DGKD: variants seen among roughly 807,000 people sequenced by gnomAD.
DGKD encodes the protein DAG kinase delta.
DGKD carries 68 observed loss-of-function variants against 154.4 expected under a neutral mutation model. The ratio of observed to expected loss-of-function variants is 0.44; its 90% CI spans 0.36 to 0.54. DGKD has a LOEUF of 0.54. Ranked by LOEUF, DGKD falls within the 20% of genes least tolerant of loss-of-function variation. The probability of loss-of-function intolerance (pLI) is 0.00; values close to 1 mark genes in which losing one functional copy is unlikely to be tolerated. For missense variants in DGKD, 1,343 were observed against 1,593.6 expected (o/e 0.84, Z 2.68); for synonymous variants, 693 against 638.0 (o/e 1.09, Z -1.30).
At chr2:233,362,521 G>C (rs1313817849) in intron 1 of DGKD, among the ~76,000 whole-genome samples, 1 of 152,090 alleles carries the variant, frequency 6.6e-6, no homozygotes, top group African/African-American at 2.4e-5. Context: ...TGTGGTGGCA[G>C]ATGCCTGTAA....
intron 3 of DGKD, among the ~76,000 whole-genome samples, chr2:233,399,631 CT>C (rs2061509334): frequency 1.3e-5 from 2 of 152,148 alleles, no homozygotes; most frequent in South Asian, 4.1e-4. Context: ...GCAGGAAGTG[CT>C]TTCCAGGCTG....
Position 233,470,603 on chromosome 2 carries a change from C to T in DGKD, c.*1143C>T, listed in dbSNP as rs2063980943. 2.0e-5 allele frequency: 3 copies of T among 152,488 alleles called. No individual in the cohort carries two copies. Among genetic ancestry groups the T allele is most frequent in the Admixed American group, 6.5e-5 (1 of 15,286 alleles). 9.4% of individuals were successfully genotyped at this position (152,488 alleles called of 1,614,324 possible). On this transcript the variant is annotated 3_prime_UTR_variant, in exon 30 of 30. Coordinates refer to ENST00000264057, the MANE Select transcript of DGKD (RefSeq NM_152879.3). Reference sequence around the variant, plus strand: ...TGGTGCCAGAGGGCAGGGAGCTCGCCTGGGGAGAGGGCTGTGCCCCGTAGG... The same window carrying T: ...TGGTGCCAGAGGGCAGGGAGCTCGCTTGGGGAGAGGGCTGTGCCCCGTAGG...
intron 1 of DGKD, among the ~76,000 whole-genome samples, chr2:233,358,201 A>C (rs1482429147): frequency 1.3e-5 from 2 of 152,278 alleles, no homozygotes; most frequent in African/African-American, 4.8e-5. Flanking sequence ...CACTCCGACC[A>C]GCACATTCAC....
intron 3 of DGKD, among the ~76,000 whole-genome samples, chr2:233,411,255 A>G (rs188051392): frequency 6.6e-6 from 1 of 152,330 alleles, no homozygotes; most frequent in East Asian, 1.9e-4. Flanking sequence ...TAACTTCTTA[A>G]GAGGCTGCTA....
chr2:233,430,584 T>TG (rs1168428402), intron 3 of DGKD, among the ~76,000 whole-genome samples: 1 of 152,228 alleles, frequency 6.6e-6, no homozygotes, highest in Non-Finnish European at 1.5e-5. Flanking sequence ...AAGCAGCCTA[T>TG]GGGAACCAAG....
At chr2:233,429,892 C>T (rs924772573) in intron 3 of DGKD, among the ~76,000 whole-genome samples, 8 of 152,384 alleles carry the variant, frequency 5.2e-5, no homozygotes, top group Non-Finnish European at 1.2e-4. Flanking sequence ...GCAGTGGCGA[C>T]CCAGTTCCAT....
chr2:233,370,570 C>CTTTTTTTT (rs56301429), intron 1 of DGKD, among the ~76,000 whole-genome samples: 23 of 123,340 alleles, frequency 1.9e-4, no homozygotes, highest in Non-Finnish European at 2.9e-4. Context: ...AGAACTTCTT[C>CTTTTTTTT]TTTTTTTTTT....
At chr2:233,463,350 C>CCTT (rs1559183367) in intron 26 of DGKD, among the ~76,000 whole-genome samples, 1 of 150,344 alleles carries the variant, frequency 6.7e-6, no homozygotes, top group Non-Finnish European at 1.5e-5. Flanking sequence ...GCACGCATCT[C>CCTT]ACTCCACACA....
intron 18 of DGKD, chr2:233,454,222 C>G: frequency 2.8e-6 from 1 of 358,434 alleles, no homozygotes; most frequent in Non-Finnish European, 5.7e-6. Context: ...CGTGGAACAT[C>G]CCAGTGTCCG....
chr2:233,456,378 C>G (rs1011490375), intron 19 of DGKD, among the ~76,000 whole-genome samples: 10 of 152,124 alleles, frequency 6.6e-5, no homozygotes, highest in Non-Finnish European at 2.9e-5. Context: ...CCAAGTAGGT[C>G]GTGAAACTGT....
rs1701453176 is a variant in DGKD, at chr2:233,354,667, G to A, written c.149G>A (p.Arg50Gln). ...IRKVSTSGQI[R>Q]QKTIIKEGML... ...AAGGTGTCCACGTCGGGTCAGATCC[G>A]ACAGAAGGTGAGCCCGCGGCGCGGC... The change falls in exon 1 of 30, where the codon CGA becomes CAA. Residue 50 changes from arginine to glutamine, a missense_variant. Transcript: ENST00000264057. This position sits in a 1 kb window ranked among gnomAD's most constrained non-coding sequence, Gnocchi z 4.8. The A allele has an allele frequency of 3.9e-6, 4 of 1,026,502 alleles. No individual in the cohort carries two copies. The highest frequency in any genetic ancestry group is 6.4e-5 in the South Asian group (2 of 31,052). The allele number at this position is 1,026,502 out of a possible 1,614,324, so 63.6% of individuals were successfully genotyped here. A position where few individuals can be genotyped will look rare whatever the true frequency, so the allele number is the denominator to read the frequency against.
intron 3 of DGKD, among the ~76,000 whole-genome samples, chr2:233,392,550 G>T (rs1466698346): frequency 6.6e-6 from 1 of 152,148 alleles, no homozygotes; most frequent in Non-Finnish European, 1.5e-5. Flanking sequence ...TGGACATACT[G>T]TGTTTTGATT....
chr2:233,424,056 G>T (rs903872463), intron 3 of DGKD, among the ~76,000 whole-genome samples: 1 of 152,110 alleles, frequency 6.6e-6, no homozygotes, highest in African/African-American at 2.4e-5. Context: ...ATTTGGACCC[G>T]TGAAAAGTGA....
chr2:233,413,907 TC>T (rs1342976541), intron 3 of DGKD, among the ~76,000 whole-genome samples: 2 of 152,242 alleles, frequency 1.3e-5, no homozygotes, highest in African/African-American at 4.8e-5. Context: ...TGGAATTACT[TC>T]TTTTCATTTT....
At chr2:233,418,265 A>C (rs1041047028) in intron 3 of DGKD, among the ~76,000 whole-genome samples, 3 of 152,176 alleles carry the variant, frequency 2.0e-5, no homozygotes, top group Non-Finnish European at 2.9e-5. Context: ...TGCCTTCTGC[A>C]TGCTGGTTGA....
intron 10 of DGKD, among the ~76,000 whole-genome samples, chr2:233,443,148 G>A (rs1306904768): frequency 1.3e-5 from 2 of 152,166 alleles, no homozygotes; most frequent in Non-Finnish European, 2.9e-5. Context: ...CATGCCTGAT[G>A]CCTTTAAAGC....
At chr2:233,358,898 T>C (rs1453609068) in intron 1 of DGKD, among the ~76,000 whole-genome samples, 2 of 152,238 alleles carry the variant, frequency 1.3e-5, no homozygotes, top group Non-Finnish European at 2.9e-5. Flanking sequence ...GGTTTTCATT[T>C]ATCTTGGCTA....
chr2:233,467,078 C>T lies in DGKD; in HGVS notation c.3307-8C>T. The T allele has an allele frequency of 6.2e-7, 1 of 1,606,918 alleles. No homozygotes were observed. Among genetic ancestry groups the T allele is most frequent in the Non-Finnish European group, 8.5e-7 (1 of 1,173,428 alleles). On this transcript the variant is annotated splice_region_variant and splice_polypyrimidine_tract_variant and intron_variant, in intron 27 of 29. Transcript: ENST00000264057. ...CTGATTCTCAGTATTCCTCATTCTC[C>T]CCAACAGAGTGTGATGCTGGATCTT...
chr2:233,448,242 C>T, intron 13 of DGKD, 34 bp from the exon 14 acceptor site: 1 of 1,614,110 alleles, frequency 6.2e-7, no homozygotes, highest in South Asian at 1.1e-5. Context: ...GGAGCTGCCT[C>T]TCTAGAAGGG....
Sources: allele counts gnomAD v4.1 joint callset (sites outside exome capture counted in the v4.1 genomes callset), GRCh38; gene constraint gnomAD v4.1.1; non-coding constraint Gnocchi (gnomAD v3.1); transcripts MANE v1.5; gene names NCBI Gene and HGNC (gene_info 2026-07-23, HGNC 2026-07-21).